NSRP1: variants seen among roughly 807,000 people sequenced by gnomAD.
The protein encoded by NSRP1 is nuclear speckle splicing regulatory protein 1, also known as coiled-coil domain containing 55.
In NSRP1, 24 loss-of-function variants were observed where a neutral mutation model predicts 54.7. The observed-to-expected ratio is 0.44, with a 90% CI of 0.32 to 0.62. The LOEUF (loss-of-function observed/expected upper bound fraction) is 0.62, where lower values mean the gene tolerates loss of function less well. NSRP1 is among the 20% of genes least tolerant of loss of function. The pLI is 0.06. For missense variants in NSRP1, 596 were observed against 651.2 expected (o/e 0.92, Z 0.92); for synonymous variants, 210 against 213.8 (o/e 0.98, Z 0.15).
Position 30,118,156 on chromosome 17 carries a change from TCTG to T in NSRP1, c.98_100del (p.Ser33_Asp34delinsTyr), listed in dbSNP as rs1188492058. ...AAAACCATCAGTGTTTGGGAATGAT[TCTG>T]ATGATGATGATGAGGTAAGGAAACC... On this transcript the variant is annotated inframe_deletion, in exon 2 of 7. Coordinates refer to ENST00000247026, the MANE Select transcript of NSRP1 (RefSeq NM_032141.4). The T allele has an allele frequency of 1.2e-6, 2 of 1,613,714 alleles. No individual in the cohort carries two copies. The highest frequency in any genetic ancestry group is 3.3e-5 in the Admixed American group (2 of 60,020).
intron 5 of NSRP1, among the ~76,000 whole-genome samples, chr17:30,179,766 A>G (rs1343188015): frequency 6.6e-6 from 1 of 152,248 alleles, no homozygotes; most frequent in Non-Finnish European, 1.5e-5. Flanking sequence ...GGATGAATTA[A>G]GAATATCTTA....
intron 2 of NSRP1, among the ~76,000 whole-genome samples, chr17:30,151,868 C>T (rs1398160930): frequency 6.8e-5 from 10 of 146,598 alleles, no homozygotes; most frequent in South Asian, 4.3e-4. Flanking sequence ...CCGCATCCTC[C>T]GCCTCCTAGG....
intron 2 of NSRP1, among the ~76,000 whole-genome samples, chr17:30,155,465 C>T (rs943359652): frequency 6.6e-6 from 1 of 152,118 alleles, no homozygotes; most frequent in African/African-American, 2.4e-5. Context: ...TCAAATATTT[C>T]TTTGAATCTG....
At chr17:30,120,059 C>G (rs2071583089) in intron 2 of NSRP1, among the ~76,000 whole-genome samples, 1 of 152,124 alleles carries the variant, frequency 6.6e-6, no homozygotes, top group African/African-American at 2.4e-5. Flanking sequence ...GTCTACCTCC[C>G]CACTTGCTAC....
chr17:30,149,244 C>G lies in NSRP1; in HGVS notation c.115-23298C>G, dbSNP rs1285788689. On this transcript the variant is annotated intron_variant, in intron 2 of 6. Coordinates refer to ENST00000247026, the MANE Select transcript of NSRP1 (RefSeq NM_032141.4). ...TTACTTAAAAAAATAGAGATGGGGT[C>G]TTGCTGTGTTGTCCGGGCTTGTCTT... is the stretch of plus-strand genomic sequence containing the variant. Among the ~76,000 whole-genome samples the G allele has an allele frequency of 2.0e-5, 3 of 152,028 alleles. No individual in the cohort carries two copies. The East Asian group carries it at 5.8e-4, about 29-fold the overall frequency.
intron 2 of NSRP1, among the ~76,000 whole-genome samples, chr17:30,120,053 A>G (rs2071583042): frequency 6.6e-6 from 1 of 152,010 alleles, no homozygotes; most frequent in South Asian, 2.1e-4. Context: ...CAGTCAGTCT[A>G]CCTCCCCACT....
Position 30,171,976 on chromosome 17 carries a change from C to CCTCTCTCTCTCTCTCTCT in NSRP1, c.115-544_115-527dup, listed in dbSNP as rs58666089. On this transcript the variant is annotated intron_variant, in intron 2 of 6. Transcript: ENST00000247026. ...CACACACACACACACACACACACTC[C>CCTCTCTCTCTCTCTCTCT]CTCTCTCTCTCTCTCTCTCTCTCTC... Among the ~76,000 whole-genome samples the CCTCTCTCTCTCTCTCTCT allele has an allele frequency of 4.0e-4, 32 of 80,438 alleles. 1 individual carries two copies. The highest frequency in any genetic ancestry group is 1.1e-3 in the South Asian group (2 of 1,870). 52.8% of individuals were successfully genotyped at this position (80,438 alleles called of 152,430 possible).
At chr17:30,127,814 A>G (rs900526501) in intron 2 of NSRP1, 13 of 391,038 alleles carry the variant, frequency 3.3e-5, no homozygotes, top group Non-Finnish European at 5.9e-5. Context: ...TTTACATTTT[A>G]TTTAATTTAC....
chr17:30,135,052 T>C (rs943861465), intron 2 of NSRP1, among the ~76,000 whole-genome samples: 4 of 152,180 alleles, frequency 2.6e-5, no homozygotes, highest in African/African-American at 9.6e-5. Context: ...ATGGGTATGC[T>C]GCTACTTCAA....
intron 6 of NSRP1, among the ~76,000 whole-genome samples, chr17:30,182,933 C>G (rs1385583804): frequency 6.6e-6 from 1 of 151,486 alleles, no homozygotes; most frequent in Non-Finnish European, 1.5e-5. Flanking sequence ...GACTCTGTCT[C>G]AAAAAATAAT....
In NSRP1 at chr17:30,180,905, T is replaced by C; in HGVS notation, c.509-3T>C. 6.3e-7 allele frequency: 1 copy of C among 1,599,774 alleles called. No individual in the cohort carries two copies. The highest frequency in any genetic ancestry group is 8.6e-7 in the Non-Finnish European group (1 of 1,167,868). On this transcript the variant is annotated splice_region_variant and splice_polypyrimidine_tract_variant and intron_variant, in intron 5 of 6. Coordinates refer to ENST00000247026, the MANE Select transcript of NSRP1 (RefSeq NM_032141.4). ...ATTCTAATTTTTGCTTTCCCTCTGT[T>C]AGCATGTTTGGATGTAACCAAGCAG...
chr17:30,125,950 A>G (rs919094822), intron 2 of NSRP1: 10 of 152,246 alleles, frequency 6.6e-5, no homozygotes, highest in African/African-American at 2.4e-4. Context: ...TTTTTACACC[A>G]TATGAGTAAG....
chr17:30,118,496 C>G (rs897955080), intron 2 of NSRP1, among the ~76,000 whole-genome samples: 6 of 152,124 alleles, frequency 3.9e-5, no homozygotes, highest in African/African-American at 1.4e-4. Context: ...TTTTTATTAG[C>G]AAAGCAGTTT....
intron 3 of NSRP1, among the ~76,000 whole-genome samples, chr17:30,174,547 A>G (rs1234051906): frequency 6.6e-6 from 1 of 152,234 alleles, no homozygotes; most frequent in Non-Finnish European, 1.5e-5. Context: ...TGATGGCAAC[A>G]TTATTGTCAT....
intron 2 of NSRP1, among the ~76,000 whole-genome samples, chr17:30,152,270 G>A (rs930868047): frequency 6.6e-6 from 1 of 151,876 alleles, no homozygotes; most frequent in Non-Finnish European, 1.5e-5. Context: ...CTACAGGCAT[G>A]CACCACTGTG....
At chr17:30,171,136 A>G (rs1443305649) in intron 2 of NSRP1, among the ~76,000 whole-genome samples, 1 of 151,378 alleles carries the variant, frequency 6.6e-6, no homozygotes, top group Non-Finnish European at 1.5e-5. Context: ...TTCCTCTTGC[A>G]TTCTTTTACA....
chr17:30,123,691 G>A (rs1373316175), intron 2 of NSRP1, among the ~76,000 whole-genome samples: 3 of 151,758 alleles, frequency 2.0e-5, no homozygotes, highest in Non-Finnish European at 4.4e-5. Flanking sequence ...TGTTGTTTTA[G>A]TCCTTGAGTT....
At chr17:30,137,911 A>C (rs1007166862) in intron 2 of NSRP1, among the ~76,000 whole-genome samples, 1 of 152,202 alleles carries the variant, frequency 6.6e-6, no homozygotes, top group African/African-American at 2.4e-5. Context: ...CAGTAGCATT[A>C]AATGCATTTA....
At chr17:30,184,206 TAAGAA>T (rs984680389) in intron 6 of NSRP1, among the ~76,000 whole-genome samples, 3 of 152,064 alleles carry the variant, frequency 2.0e-5, no homozygotes, top group Non-Finnish European at 2.9e-5. Context: ...AATAAATAAA[TAAGAA>T]AGGAAACAAC....
Sources: gnomAD v4.1 joint callset for allele counts (sites outside exome capture counted in the v4.1 genomes callset) on GRCh38, gnomAD v4.1.1 for gene constraint, MANE v1.5 for transcripts, NCBI Gene and HGNC (gene_info 2026-07-23, HGNC 2026-07-21) for gene names.